Variants in SLC9C1 observed in about 807,000 individuals in gnomAD.
SLC9C1 encodes the protein solute carrier family 9 member C1, also known as sodium/hydrogen exchanger 10.
Under a neutral mutation model 140.9 loss-of-function variants are expected in SLC9C1, and 97 were observed. The ratio of observed to expected loss-of-function variants is 0.69; its 90% confidence interval spans 0.58 to 0.82. The LOEUF (loss-of-function observed/expected upper bound fraction) is 0.82. SLC9C1 is among the 40% of genes least tolerant of loss of function. The pLI is 0.00. For synonymous variants in SLC9C1, 440 were observed against 442.6 expected (o/e 0.99, Z 0.07); for missense variants, 1,340 against 1,389.3 (o/e 0.96, Z 0.56).
chr3:112,169,008 G>A lies in SLC9C1; in HGVS notation c.3106C>T (p.Pro1036Ser), dbSNP rs952666459. 1.9e-6 allele frequency: 3 copies of A among 1,608,772 alleles called. No homozygotes were observed. The highest frequency in any genetic ancestry group is 2.2e-5 in the South Asian group (2 of 89,534). ...TAAATATCAGTTTTGGTACTCATTGGTATATCTACTACATAAATATTAGAG... is the reference window on the plus strand; with the variant it reads ...TAAATATCAGTTTTGGTACTCATTGATATATCTACTACATAAATATTAGAG... ...KLSNIYVVDIPMSTKTDIYDE... is the reference protein window; with the variant it reads ...KLSNIYVVDISMSTKTDIYDE... The change falls in exon 25 of 29, where the codon CCA becomes TCA. Residue 1036 changes from proline to serine, a missense_variant. Physicochemically the swap from Pro to Ser is moderately conservative, Grantham distance 74. Coordinates refer to ENST00000305815, the MANE Select transcript of SLC9C1 (RefSeq NM_183061.3).
At chr3:112,231,569 C>CACA in intron 12 of SLC9C1, 83 bp from the exon 13 acceptor site, 1 of 1,370,136 alleles carries the variant, frequency 7.3e-7, no homozygotes, top group East Asian at 2.5e-5. Context: ...ATTTTTGTAC[C>CACA]AGTTTGCATT....
chr3:112,215,917 G>C (rs944931512), intron 15 of SLC9C1, among the ~76,000 whole-genome samples: 1 of 151,970 alleles, frequency 6.6e-6, no homozygotes, highest in African/African-American at 2.4e-5. Flanking sequence ...AAGCCAAAAG[G>C]ACAAAGCTGG....
intron 13 of SLC9C1, among the ~76,000 whole-genome samples, chr3:112,223,638 A>C (rs973473667): frequency 6.6e-6 from 1 of 152,184 alleles, no homozygotes; most frequent in African/African-American, 2.4e-5. Context: ...GCAAAGGAAA[A>C]GAAAAAGAAA....
intron 15 of SLC9C1, among the ~76,000 whole-genome samples, chr3:112,214,903 C>CA (rs1317693950): frequency 1.5e-5 from 2 of 136,848 alleles, no homozygotes; most frequent in African/African-American, 5.5e-5. Context: ...AGAGACACAA[C>CA]AAAAAAAGAG....
chr3:112,230,991 A>T (rs2078805863), intron 13 of SLC9C1, among the ~76,000 whole-genome samples: 1 of 152,186 alleles, frequency 6.6e-6, no homozygotes, highest in South Asian at 2.1e-4. Flanking sequence ...TGCCTAACAC[A>T]TCTGAAGTTT....
At chr3:112,168,144 T>G (rs1324342264) in intron 25 of SLC9C1, among the ~76,000 whole-genome samples, 1 of 147,934 alleles carries the variant, frequency 6.8e-6, no homozygotes, top group Non-Finnish European at 1.5e-5. Context: ...GGTTGAGAGA[T>G]CTCTTGAGGA....
At position 112,217,452 on chromosome 3, in the gene SLC9C1, C is replaced by T; in HGVS notation, c.1780G>A (p.Gly594Ser). The T allele has an allele frequency of 1.3e-6, 2 of 1,585,654 alleles. No homozygotes were observed. Among genetic ancestry groups the T allele is most frequent in the Admixed American group, 1.9e-5 (1 of 52,430 alleles). ...WVYNTRKEKE[G>S]PSKYFFFRIC... ...TTCAAAAGCACTTACTTTGATGGGC[C>T]CTCTTTTTCCTTTCTGGTATTATAC... Residue 594 changes from glycine (G) to serine (S), a missense_variant, in exon 15 of 29, where the codon GGC (glycine) becomes AGC (serine). By Grantham distance (56) the Gly-to-Ser change is moderately conservative. Coordinates refer to ENST00000305815, the MANE Select transcript of SLC9C1 (RefSeq NM_183061.3).
intron 20 of SLC9C1, among the ~76,000 whole-genome samples, chr3:112,190,962 CACATAT>C (rs1480804059): frequency 7.3e-4 from 102 of 139,674 alleles, no homozygotes; most frequent in African/African-American, 1.5e-3. Flanking sequence ...CACACACACA[CACATAT>C]ATATATATGG....
chr3:112,168,085 G>T (rs1278224216), intron 25 of SLC9C1, among the ~76,000 whole-genome samples: 1 of 152,010 alleles, frequency 6.6e-6, no homozygotes, highest in Non-Finnish European at 1.5e-5. Context: ...TTTTATCCTA[G>T]CTGTAAAACA....
At chr3:112,273,523 G>T (rs901876777) in intron 6 of SLC9C1, among the ~76,000 whole-genome samples, 5 of 152,118 alleles carry the variant, frequency 3.3e-5, no homozygotes, top group African/African-American at 4.8e-5. Flanking sequence ...ATGCCCAAGT[G>T]GGGTAACTGT....
Position 112,280,668 on chromosome 3 carries a change from A to C in SLC9C1, c.189+15T>G. On this transcript the variant is annotated intron_variant, in intron 3 of 28. Coordinates refer to ENST00000305815, the MANE Select transcript of SLC9C1 (RefSeq NM_183061.3). ...CTCAAATAAATAGTGTAAAATACTCATTTACAATACACACCTGTGAAGATG... is the reference window on the plus strand; with the variant it reads ...CTCAAATAAATAGTGTAAAATACTCCTTTACAATACACACCTGTGAAGATG... 6.4e-7 allele frequency: 1 copy of C among 1,564,762 alleles called. No homozygotes were observed.
chr3:112,186,113 T>C (rs2077534952), intron 20 of SLC9C1: 1 of 715,954 alleles, frequency 1.4e-6, no homozygotes, highest in Non-Finnish European at 2.1e-6. Flanking sequence ...TCTTACTGAT[T>C]TGTATATTCT....
At chr3:112,264,094 G>A in intron 9 of SLC9C1, 106 bp downstream of exon 9, 1 of 535,908 alleles carries the variant, frequency 1.9e-6, no homozygotes, top group South Asian at 9.1e-5. Context: ...TGGAAAGTTT[G>A]AGTCAATTTT....
At chr3:112,292,615 C>G (rs1352556771) in intron 1 of SLC9C1, among the ~76,000 whole-genome samples, 1 of 152,108 alleles carries the variant, frequency 6.6e-6, no homozygotes, top group Non-Finnish European at 1.5e-5. Context: ...GCGATCTCGG[C>G]TCACTGCAAG....
intron 26 of SLC9C1, among the ~76,000 whole-genome samples, chr3:112,158,461 G>A (rs139329840): frequency 1.2e-4 from 18 of 152,058 alleles, no homozygotes; most frequent in Non-Finnish European, 2.7e-4. Flanking sequence ...GTTGATCAAG[G>A]ATATTGGCCT....
chr3:112,207,175 G>T (rs1296380373), intron 16 of SLC9C1, among the ~76,000 whole-genome samples: 1 of 152,084 alleles, frequency 6.6e-6, no homozygotes, highest in African/African-American at 2.4e-5. Context: ...TTCAAAAAAA[G>T]GTTTCTTGAA....
At chr3:112,239,587 A>G (rs562232986) in intron 12 of SLC9C1, among the ~76,000 whole-genome samples, 8 of 152,278 alleles carry the variant, frequency 5.3e-5, no homozygotes, top group African/African-American at 1.9e-4. Context: ...CTATTTGGCC[A>G]TCTTGGAACC....
At chr3:112,274,448 T>C (rs1427887135) in intron 6 of SLC9C1, among the ~76,000 whole-genome samples, 3 of 152,282 alleles carry the variant, frequency 2.0e-5, no homozygotes, top group African/African-American at 7.2e-5. Context: ...TCTCTGGCCC[T>C]GTAGATGGCT....
At chr3:112,195,079 T>C (rs774973504) in intron 20 of SLC9C1, among the ~76,000 whole-genome samples, 11 of 152,300 alleles carry the variant, frequency 7.2e-5, no homozygotes, top group South Asian at 2.1e-4. Flanking sequence ...TTGGGTCGTT[T>C]TACTCTGTAA....
Sources: gnomAD v4.1 joint callset for allele counts (sites outside exome capture counted in the v4.1 genomes callset) on GRCh38, gnomAD v4.1.1 for gene constraint, MANE v1.5 for transcripts, NCBI Gene and HGNC (gene_info 2026-07-23, HGNC 2026-07-21) for gene names.